DNMT3A: variants seen among roughly 807,000 people sequenced by gnomAD.
DNMT3A encodes DNA methyltransferase 3 alpha.
Under a neutral mutation model 117.6 loss-of-function variants are expected in DNMT3A, and 267 were observed. The observed-to-expected ratio is 2.27, with a 90% confidence interval of 2.05 to 2.51. The LOEUF (loss-of-function observed/expected upper bound fraction) is 2.51, where lower values mean the gene tolerates loss of function less well. DNMT3A is among the 30% of genes most tolerant of loss of function. The pLI is 0.00. For missense variants in DNMT3A, 1,029 were observed against 1,260.2 expected, an observed-to-expected ratio of 0.82 and a Z score of 2.78; for synonymous variants, 432 against 474.8, an observed-to-expected ratio of 0.91 and a Z score of 1.17.
At position 25,231,945 on chromosome 2, in the gene DNMT3A, G is replaced by C. The variant is rs1335357216; in HGVS notation, c.*2334C>G. The C allele has an allele frequency of 6.7e-6, 1 of 149,642 alleles. No homozygotes were observed. The highest frequency in any genetic ancestry group is 6.7e-5 in the Admixed American group (1 of 15,034). 9.3% of individuals were successfully genotyped at this position (149,642 alleles called of 1,614,324 possible). On this transcript the variant is annotated 3_prime_UTR_variant, in exon 23 of 23. Coordinates refer to ENST00000321117, the MANE Select transcript of DNMT3A (RefSeq NM_022552.5). ...AGAAGAGTGCTGGGAGCCCCCTGGC[G>C]TGTGTGTGTGTGTGTGAGTGCATTC... is the stretch of plus-strand genomic sequence containing the variant.
intron 6 of DNMT3A, among the ~76,000 whole-genome samples, chr2:25,261,855 C>T (rs189161702): frequency 3.0e-4 from 45 of 152,040 alleles, no homozygotes; most frequent in African/African-American, 3.1e-4. Flanking sequence ...CCTGCCTGTG[C>T]GTCCCCTCCA....
Position 25,247,957 on chromosome 2 carries a change from A to C in DNMT3A, c.855+80T>G. 12 of 1,589,470 alleles carry C rather than the reference A, an allele frequency of 7.5e-6. No individual in the cohort carries two copies. Among genetic ancestry groups the C allele is most frequent in the Non-Finnish European group, 1.0e-5 (12 of 1,167,260 alleles). On this transcript the variant is annotated intron_variant, in intron 7 of 22. Transcript: ENST00000321117. The surrounding 1 kb of genome is among the most constrained non-coding windows in gnomAD (Gnocchi z 5.6). ...AGCGAGCGGCCCGTGGGAGATGGAG[A>C]GAGGAGAGCAGGACGGGAGGAGCTG...
intron 1 of DNMT3A, 127 bp from the exon 2 acceptor site, chr2:25,314,288 C>A (rs1331515461): frequency 1.6e-6 from 2 of 1,214,404 alleles, no homozygotes; most frequent in Middle Eastern, 3.3e-4. Context: ...CTCACCAGCA[C>A]CCCAGAGAGC....
intron 2 of DNMT3A, among the ~76,000 whole-genome samples, chr2:25,303,279 C>T (rs981378917): frequency 5.9e-5 from 9 of 152,238 alleles, no homozygotes; most frequent in Non-Finnish European, 7.3e-5. Flanking sequence ...AAAATAAAGA[C>T]GCTTGACATT....
intron 1 of DNMT3A, among the ~76,000 whole-genome samples, chr2:25,338,565 G>A (rs2035296753): frequency 6.6e-6 from 1 of 152,166 alleles, no homozygotes; most frequent in African/African-American, 2.4e-5. Context: ...CTGCCTCGGG[G>A]AGAGGACTGG....
rs955030565 is a variant in DNMT3A at position 25,257,878 on chromosome 2, C to G, written c.640-9626G>C. 6.6e-5 allele frequency among the ~76,000 whole-genome samples: 10 copies of G among 152,180 alleles called. No individual in the cohort carries two copies. Among genetic ancestry groups the G allele is most frequent in the Non-Finnish European group, 1.2e-4 (8 of 68,042 alleles). On this transcript the variant is annotated intron_variant, in intron 6 of 22. Coordinates refer to ENST00000321117, the MANE Select transcript of DNMT3A (RefSeq NM_022552.5). The surrounding 1 kb of genome is among the most constrained non-coding windows in gnomAD (Gnocchi z 4.8). ...TGGCTGTGTCTGTTACAAATGAGAA[C>G]ACTGAGGCCTAGAGAGGCCCGAGCC... is the stretch of plus-strand genomic sequence containing the variant.
Position 25,304,789 on chromosome 2 carries a change from C to A in DNMT3A, c.73-4546G>T, listed in dbSNP as rs2033700806. Among the ~76,000 whole-genome samples, 1 of 152,214 alleles carries A rather than the reference C, an allele frequency of 6.6e-6. No individual in the cohort carries two copies. Among genetic ancestry groups the A allele is most frequent in the Non-Finnish European group, 1.5e-5 (1 of 68,044 alleles). On this transcript the variant is annotated intron_variant, in intron 2 of 22. Transcript: ENST00000321117. The surrounding 1 kb of genome is among the most constrained non-coding windows in gnomAD (Gnocchi z 4.3). ...AAGCAAACTGCTTCCGGCCTCAGCC[C>A]CTAGGCATAGACTGTTCTTCTGACC...
At chr2:25,249,565 C>T in intron 6 of DNMT3A, 2 of 1,422,232 alleles carry the variant, frequency 1.4e-6, no homozygotes, top group Admixed American at 1.7e-5. Context: ...TGAGCAGGCA[C>T]TATAGACCAG....
intron 2 of DNMT3A, among the ~76,000 whole-genome samples, chr2:25,313,229 C>A (rs566468684): frequency 6.6e-6 from 1 of 152,296 alleles, no homozygotes; most frequent in South Asian, 2.1e-4. Flanking sequence ...CTGATTCAGG[C>A]ACAACCTGGA....
At chr2:25,321,722 C>CA (rs1407198343) in intron 1 of DNMT3A, among the ~76,000 whole-genome samples, 7 of 152,146 alleles carry the variant, frequency 4.6e-5, no homozygotes, top group Non-Finnish European at 8.8e-5. Context: ...CCTGTCTCTA[C>CA]AAAAATTTAC....
At chr2:25,277,380 G>C (rs1390148005) in intron 4 of DNMT3A, among the ~76,000 whole-genome samples, 2 of 152,142 alleles carry the variant, frequency 1.3e-5, no homozygotes, top group African/African-American at 4.8e-5. Flanking sequence ...GCTCTGCCCG[G>C]TGAGGCCCCG....
At chr2:25,287,408 C>A (rs1488794767) in intron 3 of DNMT3A, among the ~76,000 whole-genome samples, 1 of 152,118 alleles carries the variant, frequency 6.6e-6, no homozygotes, top group Non-Finnish European at 1.5e-5. Context: ...GTCCACCTAC[C>A]CCCACCCGGT....
Position 25,286,937 on chromosome 2 carries a change from C to T in DNMT3A, c.178-4226G>A, listed in dbSNP as rs532667618. Among the ~76,000 whole-genome samples, 3 of 152,222 alleles carry T rather than the reference C, an allele frequency of 2.0e-5. No homozygotes were observed. Among genetic ancestry groups the T allele is most frequent in the South Asian group, 4.2e-4 (2 of 4,810 alleles). On this transcript the variant is annotated intron_variant, in intron 3 of 22. Transcript: ENST00000321117. The surrounding 1 kb of genome is among the most constrained non-coding windows in gnomAD (Gnocchi z 4.3). ...ACCTCTGGAGGGCAGAGACTTTGCT[C>T]GATCTGGAGGGCAGAGACTTTGCTC...
At position 25,230,890 on chromosome 2, in the gene DNMT3A, G is replaced by A. The variant is rs1482833806; in HGVS notation, c.*3389C>T. 1.4e-5 allele frequency: 2 copies of A among 146,030 alleles called. No individual in the cohort carries two copies. The highest frequency in any genetic ancestry group is 3.0e-5 in the Non-Finnish European group (2 of 67,404). 9.0% of individuals were successfully genotyped at this position (146,030 alleles called of 1,614,324 possible). On this transcript the variant is annotated 3_prime_UTR_variant, in exon 23 of 23. Coordinates refer to ENST00000321117, the MANE Select transcript of DNMT3A (RefSeq NM_022552.5). ...AGGAACAAGTGCTCTCAAGCTGTCA[G>A]CCATAAGGGCTCCTCTGTGCCCAGC...
intron 2 of DNMT3A, among the ~76,000 whole-genome samples, chr2:25,300,603 ATCTAAATAATATATTATTTAGAT>A (rs2033378606): frequency 1.1e-4 from 1 of 9,226 alleles, no homozygotes; most frequent in African/African-American, 2.1e-4. Flanking sequence ...CCATATATAT[ATCTAAATAATATATTATTTAGAT>A]ATCTAAATAA....
At chr2:25,307,459 CTTTTTTTTTTTTT>C (rs35144977) in intron 2 of DNMT3A, among the ~76,000 whole-genome samples, 1 of 79,104 alleles carries the variant, frequency 1.3e-5, no homozygotes, top group South Asian at 4.3e-4. Flanking sequence ...CACACCGCAG[CTTTTTTTTTTTTT>C]TTTTTTTTTT....
intron 1 of DNMT3A, among the ~76,000 whole-genome samples, chr2:25,335,483 C>T (rs1295213206): frequency 6.6e-6 from 1 of 152,170 alleles, no homozygotes; most frequent in Non-Finnish European, 1.5e-5. Context: ...CCCCAGGACA[C>T]AGCCCACACT....
chr2:25,241,515 G>A (rs1369166342), intron 17 of DNMT3A, 47 bp downstream of exon 17: 5 of 1,575,532 alleles, frequency 3.2e-6, no homozygotes, highest in Non-Finnish European at 4.3e-6. Flanking sequence ...CAGGTGCTGA[G>A]TGTGCAGGGA....
chr2:25,246,335 G>A (rs1184170302), intron 10 of DNMT3A, 26 bp from the exon 11 acceptor site: 2 of 1,581,580 alleles, frequency 1.3e-6, no homozygotes, highest in Non-Finnish European at 1.7e-6. Context: ...AGGTGCCAAG[G>A]TCAGTTACAG....
Sources: allele counts gnomAD v4.1 joint callset (sites outside exome capture counted in the v4.1 genomes callset), GRCh38; gene constraint gnomAD v4.1.1; non-coding constraint Gnocchi (gnomAD v3.1); transcripts MANE v1.5; gene names NCBI Gene and HGNC (gene_info 2026-07-23, HGNC 2026-07-21).